Variants in CCR5AS observed in about 807,000 individuals in gnomAD.
The protein encoded by CCR5AS is CCR5 antisense RNA.
At chr3:46,364,035 A>C (rs954413343), downstream of CCR5AS, among the ~76,000 whole-genome samples, 3 of 152,270 alleles carry the variant, frequency 2.0e-5, no homozygotes, top group Non-Finnish European at 2.9e-5. Context: ...TAAAAATGCA[A>C]GATGAAGCAG....
At chr3:46,405,400 A>G (rs1702035454) in intron 1 of CCR5AS, among the ~76,000 whole-genome samples, 1 of 152,154 alleles carries the variant, frequency 6.6e-6, no homozygotes, top group Non-Finnish European at 1.5e-5. Context: ...TCCTCTACTA[A>G]TGAGGAAGAG....
chr3:46,403,001 C>T (rs1301983706), intron 1 of CCR5AS, among the ~76,000 whole-genome samples: 3 of 152,220 alleles, frequency 2.0e-5, no homozygotes, highest in African/African-American at 7.2e-5. Flanking sequence ...ATTTGGTTTT[C>T]TGTTCCTGTG....
At chr3:46,377,082 A>G (rs1168637990) in intron 2 of CCR5AS, among the ~76,000 whole-genome samples, 1 of 152,226 alleles carries the variant, frequency 6.6e-6, no homozygotes, top group East Asian at 1.9e-4. Context: ...GATCCATCCC[A>G]TAGGAGGAAG....
chr3:46,406,882 A>G (rs1164760670), intron 1 of CCR5AS: 1 of 152,148 alleles, frequency 6.6e-6, no homozygotes, highest in Non-Finnish European at 1.5e-5. Flanking sequence ...AATGACAATA[A>G]AAACCCAAAC....
chr3:46,371,860 C>A (rs1270977323), intron 2 of CCR5AS, among the ~76,000 whole-genome samples: 1 of 152,204 alleles, frequency 6.6e-6, no homozygotes, highest in South Asian at 2.1e-4. Flanking sequence ...CTTGGGCACC[C>A]GGCCATTTCA....
chr3:46,366,593 C>A lies in CCR5AS; in HGVS notation n.566-1548G>T, dbSNP rs184774572. On this transcript the variant is annotated intron_variant and non_coding_transcript_variant, in intron 3 of 3. Coordinates refer to ENST00000451485, the Ensembl canonical transcript of CCR5AS. ...ACTTGGTTTGATGAATTGCACAAATCCCTATGGGGGATGTGGTTCATGGGC... is the reference window on the plus strand; with the variant it reads ...ACTTGGTTTGATGAATTGCACAAATACCTATGGGGGATGTGGTTCATGGGC... Among the ~76,000 whole-genome samples, 7 of 152,296 alleles carry A rather than the reference C, an allele frequency of 4.6e-5. No individual in the cohort carries two copies. In the East Asian group the frequency reaches 1.2e-3, roughly 25 times the overall value.
At chr3:46,401,782 TA>T (rs1702008298) in intron 1 of CCR5AS, among the ~76,000 whole-genome samples, 1 of 148,978 alleles carries the variant, frequency 6.7e-6, no homozygotes, top group African/African-American at 2.4e-5. Flanking sequence ...ATTAATTTAT[TA>T]ATTTAATTAA....
chr3:46,385,085 ATGG>A lies in CCR5AS; in HGVS notation n.391+7737_391+7739del, dbSNP rs547646105. ...CTCCACTGGAGCAGAAGCAAAGCAT[ATGG>A]TGAAGGGGAACAAGGAGTCTCCCCA... On this transcript the variant is annotated intron_variant and non_coding_transcript_variant, in intron 2 of 3. Transcript: ENST00000451485. 4.7e-3 allele frequency among the ~76,000 whole-genome samples: 709 copies of A among 152,300 alleles called. 3 individuals are homozygous for A. Among genetic ancestry groups the A allele is most frequent in the Middle Eastern group, 0.01 (3 of 294 alleles).
intron 2 of CCR5AS, chr3:46,376,064 T>C (rs1448517684): frequency 6.0e-6 from 1 of 166,964 alleles, no homozygotes; most frequent in Non-Finnish European, 1.5e-5. Context: ...TTGTGGAGAG[T>C]GCAACAGTAG....
intron 2 of CCR5AS, among the ~76,000 whole-genome samples, chr3:46,392,389 G>A (rs1701921102): frequency 6.6e-6 from 1 of 152,198 alleles, no homozygotes; most frequent in Admixed American, 6.5e-5. Flanking sequence ...CACAGGCTAA[G>A]GGAGAAGAAG....
chr3:46,373,493 G>T (rs753901059), intron 2 of CCR5AS: 2 of 1,588,208 alleles, frequency 1.3e-6, no homozygotes, highest in African/African-American at 2.7e-5. Flanking sequence ...AGACATTAAA[G>T]ATAGTCATCT....
At chr3:46,389,270 T>A (rs1287417562) in intron 2 of CCR5AS, among the ~76,000 whole-genome samples, 1 of 152,080 alleles carries the variant, frequency 6.6e-6, no homozygotes, top group Non-Finnish European at 1.5e-5. Context: ...AGAGGAGAGA[T>A]CAGGCTGGCT....
At position 46,385,694 on chromosome 3, in the gene CCR5AS, CTT is replaced by C. The variant is rs371415903; in HGVS notation, n.391+7129_391+7130del. Among the ~76,000 whole-genome samples, 81 of 152,202 alleles carry C rather than the reference CTT, an allele frequency of 5.3e-4. No individual in the cohort carries two copies. In the South Asian group the frequency reaches 6.0e-3, roughly 11 times the overall value. On this transcript the variant is annotated intron_variant and non_coding_transcript_variant, in intron 2 of 3. Coordinates refer to ENST00000451485, the Ensembl canonical transcript of CCR5AS. ...CCCTACTGGGCGCAACTCTCTCTCT[CTT>C]GAGTATGCCTGCACTTCCCTTTATT...
chr3:46,386,931 T>A (rs1701867788), intron 2 of CCR5AS, among the ~76,000 whole-genome samples: 1 of 152,186 alleles, frequency 6.6e-6, no homozygotes, highest in Non-Finnish European at 1.5e-5. Flanking sequence ...GTTGGTCATA[T>A]GTTTGTAATT....
intron 2 of CCR5AS, among the ~76,000 whole-genome samples, chr3:46,372,125 C>G (rs935370895): frequency 6.6e-6 from 1 of 152,186 alleles, no homozygotes; most frequent in Non-Finnish European, 1.5e-5. Context: ...GGGTATGATG[C>G]TTAGAACAGT....
At chr3:46,400,730 A>C (rs1701999582) in intron 1 of CCR5AS, among the ~76,000 whole-genome samples, 1 of 152,212 alleles carries the variant, frequency 6.6e-6, no homozygotes, top group Non-Finnish European at 1.5e-5. Context: ...AACTGGGGTG[A>C]ATAGAAGCCC....
chr3:46,382,095 C>T (rs572075530), intron 2 of CCR5AS, among the ~76,000 whole-genome samples: 9 of 152,182 alleles, frequency 5.9e-5, no homozygotes, highest in African/African-American at 1.2e-4. Context: ...GAAGCTTGCA[C>T]GGGTGAATGC....
At chr3:46,388,254 TA>T (rs1469254646) in intron 2 of CCR5AS, among the ~76,000 whole-genome samples, 4 of 152,058 alleles carry the variant, frequency 2.6e-5, no homozygotes, top group African/African-American at 9.7e-5. Context: ...CAAGCAGGAT[TA>T]GGGGTGACAC....
chr3:46,394,344 G>GGCT (rs1432111172), intron 1 of CCR5AS, among the ~76,000 whole-genome samples: 1 of 152,098 alleles, frequency 6.6e-6, no homozygotes, highest in Non-Finnish European at 1.5e-5. Flanking sequence ...GCATGTCAGG[G>GGCT]GCTGCTACAG....
Sources: allele counts gnomAD v4.1 joint callset (sites outside exome capture counted in the v4.1 genomes callset), GRCh38; gene constraint gnomAD v4.1.1; transcripts MANE v1.5; gene names NCBI Gene and HGNC (gene_info 2026-07-23, HGNC 2026-07-21).